Variants in ROBO2 observed in about 807,000 individuals in gnomAD.
ROBO2 encodes roundabout homolog 2.
ROBO2 carries 53 observed loss-of-function variants against 160.8 expected under a neutral mutation model. The observed-to-expected ratio is 0.33, with a 90% CI of 0.26 to 0.41. ROBO2 has a LOEUF of 0.41. ROBO2 is among the 10% of genes least tolerant of loss of function. The pLI, the probability that ROBO2 is intolerant of heterozygous loss-of-function variation, is 1.00. For missense variants in ROBO2, 1,577 were observed against 1,722.4 expected, an observed-to-expected ratio of 0.92 and a Z score of 1.49; for synonymous variants, 664 against 611.7, an observed-to-expected ratio of 1.09 and a Z score of -1.26.
chr3:76,943,028 T>C (rs1012452520), intron 2 of ROBO2, among the ~76,000 whole-genome samples: 1 of 152,222 alleles, frequency 6.6e-6, no homozygotes, highest in Non-Finnish European at 1.5e-5. Flanking sequence ...GAAATAGACT[T>C]TAGAACAATG....
intron 2 of ROBO2, among the ~76,000 whole-genome samples, chr3:76,102,852 T>A (rs906270034): frequency 2.7e-5 from 4 of 150,020 alleles, no homozygotes; most frequent in Admixed American, 6.7e-5. Flanking sequence ...TGAGATGGAG[T>A]CTCACTCTGT....
intron 1 of ROBO2, among the ~76,000 whole-genome samples, chr3:77,046,382 G>C (rs1481200662): frequency 1.3e-5 from 2 of 152,162 alleles, no homozygotes; most frequent in Admixed American, 1.3e-4. Flanking sequence ...TGTCTTCTAA[G>C]TCTTCCTCAG....
chr3:77,483,107 G>A (rs762132589), intron 4 of ROBO2, among the ~76,000 whole-genome samples: 2 of 152,028 alleles, frequency 1.3e-5, no homozygotes, highest in Non-Finnish European at 2.9e-5. Context: ...TTGTCTAGAG[G>A]CAGTTCCCCT....
intron 2 of ROBO2, among the ~76,000 whole-genome samples, chr3:76,832,506 A>G (rs2067178686): frequency 6.6e-6 from 1 of 152,206 alleles, no homozygotes; most frequent in Admixed American, 6.6e-5. Context: ...TGAGGAGAGA[A>G]TCATGATACA....
At chr3:76,626,716 G>A (rs1415575135) in intron 2 of ROBO2, among the ~76,000 whole-genome samples, 4 of 150,852 alleles carry the variant, frequency 2.7e-5, no homozygotes, top group African/African-American at 9.8e-5. Context: ...CTTTTGAGAC[G>A]GAGTCTCACT....
chr3:76,749,122 A>G (rs998110267), intron 2 of ROBO2, among the ~76,000 whole-genome samples: 7 of 151,924 alleles, frequency 4.6e-5, no homozygotes, highest in Non-Finnish European at 1.0e-4. Flanking sequence ...AAAATTATAT[A>G]TAGATTCAAA....
intron 23 of ROBO2, among the ~76,000 whole-genome samples, chr3:77,625,140 C>T (rs928944659): frequency 2.2e-4 from 34 of 151,966 alleles, no homozygotes; most frequent in African/African-American, 7.7e-4. Flanking sequence ...AAATGATGTT[C>T]TATGAGTGGA....
intron 2 of ROBO2, among the ~76,000 whole-genome samples, chr3:76,443,085 G>A (rs76134959): frequency 0.034 from 5,171 of 152,000 alleles, 125 homozygotes; most frequent in South Asian, 0.1. Context: ...GATGGAAGGA[G>A]AAGGGGAGCA....
At chr3:76,748,640 C>G (rs1198173328) in intron 2 of ROBO2, among the ~76,000 whole-genome samples, 1 of 151,570 alleles carries the variant, frequency 6.6e-6, no homozygotes, top group African/African-American at 2.4e-5. Flanking sequence ...CAAATTAAAA[C>G]AAGTGGGTAC....
intron 2 of ROBO2, among the ~76,000 whole-genome samples, chr3:77,350,543 A>G (rs1482104806): frequency 6.6e-6 from 1 of 152,070 alleles, no homozygotes; most frequent in African/African-American, 2.4e-5. Context: ...TGCTGCACAA[A>G]AGCAGGCTCT....
intron 4 of ROBO2, among the ~76,000 whole-genome samples, chr3:77,484,810 T>G (rs1338160307): frequency 6.6e-6 from 1 of 152,088 alleles, no homozygotes; most frequent in Non-Finnish European, 1.5e-5. Context: ...ATTATAGTCA[T>G]GTCAATATTA....
At chr3:76,184,052 G>A (rs766493279) in intron 2 of ROBO2, among the ~76,000 whole-genome samples, 16 of 152,060 alleles carry the variant, frequency 1.1e-4, no homozygotes, top group Non-Finnish European at 2.1e-4. Flanking sequence ...ATTTGTGTGT[G>A]TCCCCATATC....
intron 2 of ROBO2, among the ~76,000 whole-genome samples, chr3:77,000,381 G>A (rs899365507): frequency 6.6e-6 from 1 of 152,082 alleles, no homozygotes; most frequent in Non-Finnish European, 1.5e-5. Flanking sequence ...CTTCCCCTTT[G>A]CCAGCCTCTC....
chr3:76,545,500 C>A (rs1477396116), intron 2 of ROBO2, among the ~76,000 whole-genome samples: 3 of 151,900 alleles, frequency 2.0e-5, no homozygotes, highest in East Asian at 3.9e-4. Context: ...TGAGATGATT[C>A]TCCTTGAGCC....
chr3:77,212,291 A>G (rs375344102), intron 2 of ROBO2, among the ~76,000 whole-genome samples: 9 of 152,238 alleles, frequency 5.9e-5, no homozygotes, highest in African/African-American at 2.2e-4. Flanking sequence ...GGTCCTTCAC[A>G]TCCCTTGTAA....
intron 2 of ROBO2, among the ~76,000 whole-genome samples, chr3:76,887,667 A>G (rs947748715): frequency 6.6e-6 from 1 of 152,190 alleles, no homozygotes; most frequent in Admixed American, 6.5e-5. Context: ...TTCTCTGACA[A>G]TTAAATCTGG....
intron 2 of ROBO2, among the ~76,000 whole-genome samples, chr3:77,331,892 G>A (rs562396105): frequency 6.6e-6 from 1 of 152,158 alleles, no homozygotes; most frequent in Admixed American, 6.5e-5. Context: ...TTTTAGTAGA[G>A]ACGGGGTTTC....
chr3:76,083,878 T>G (rs2068921438), intron 2 of ROBO2, among the ~76,000 whole-genome samples: 1 of 152,142 alleles, frequency 6.6e-6, no homozygotes, highest in Non-Finnish European at 1.5e-5. Flanking sequence ...ATGATGGCAA[T>G]ATGATGGTTA....
At chr3:76,553,531 G>T (rs1480182080) in intron 2 of ROBO2, among the ~76,000 whole-genome samples, 1 of 152,020 alleles carries the variant, frequency 6.6e-6, no homozygotes, top group Non-Finnish European at 1.5e-5. Flanking sequence ...ACTAATTAGT[G>T]GTCTGATATT....
Sources: allele counts gnomAD v4.1 joint callset (sites outside exome capture counted in the v4.1 genomes callset), GRCh38; gene constraint gnomAD v4.1.1; transcripts MANE v1.5; gene names NCBI Gene and HGNC (gene_info 2026-07-23, HGNC 2026-07-21).